Variants in IMPACT observed in about 807,000 individuals in gnomAD.
IMPACT encodes impact RWD domain protein.
In IMPACT, 35 loss-of-function variants were observed where a neutral mutation model predicts 47.5. The observed-to-expected ratio is 0.74, with a 90% confidence interval of 0.56 to 0.98. The LOEUF is 0.98. Among genes scored for constraint, IMPACT ranks in the 50% least tolerant of loss-of-function variants. The pLI is 0.00. For missense variants in IMPACT, 373 were observed against 394.8 expected (o/e 0.94, Z 0.47); for synonymous variants, 118 against 125.6 (o/e 0.94, Z 0.40).
chr18:24,439,888 C>G (rs532265125), intron 5 of IMPACT, among the ~76,000 whole-genome samples: 1 of 152,230 alleles, frequency 6.6e-6, no homozygotes, highest in South Asian at 2.1e-4. Context: ...CAGTCACTGT[C>G]TTTCTCTTTG....
At position 24,437,939 on chromosome 18, in the gene IMPACT, C is replaced by G. The variant is rs377063811; in HGVS notation, c.282-16C>G. On this transcript the variant is annotated splice_polypyrimidine_tract_variant and intron_variant, in intron 4 of 10. Transcript: ENST00000284202. ...TTTGAAATAACAATTTTTTTTTTCC[C>G]CTGAATTTTGTTTAGTCAGAATATC... 1 of 1,331,600 alleles carries G rather than the reference C, an allele frequency of 7.5e-7. No homozygotes were observed. Among genetic ancestry groups the G allele is most frequent in the Non-Finnish European group, 1.1e-6 (1 of 946,964 alleles). The allele number at this position is 1,331,600 out of a possible 1,614,324, so 82.5% of individuals were successfully genotyped here.
At chr18:24,438,175 C>G in intron 5 of IMPACT, 135 bp downstream of exon 5, 1 of 523,656 alleles carries the variant, frequency 1.9e-6, no homozygotes, top group Non-Finnish European at 3.4e-6. Context: ...ACAAGTTTCT[C>G]TGAAAAGTTT....
intron 3 of IMPACT, 78 bp from the exon 4 acceptor site, chr18:24,430,244 T>G: frequency 9.9e-7 from 1 of 1,005,632 alleles, no homozygotes; most frequent in Non-Finnish European, 1.5e-6. Context: ...CAAAAAAATT[T>G]ATTTGTGATG....
chr18:24,450,246 A>G (rs1453985251), intron 10 of IMPACT, among the ~76,000 whole-genome samples: 1 of 152,130 alleles, frequency 6.6e-6, no homozygotes, highest in Non-Finnish European at 1.5e-5. Context: ...TTTAAGACCA[A>G]CTAGGTTCCA....
intron 5 of IMPACT, among the ~76,000 whole-genome samples, chr18:24,439,933 A>T (rs1028532166): frequency 6.6e-6 from 1 of 152,184 alleles, no homozygotes; most frequent in African/African-American, 2.4e-5. Context: ...CTATGCTAAT[A>T]TCCTGTTTCT....
chr18:24,436,392 C>T (rs1908942630), intron 4 of IMPACT, among the ~76,000 whole-genome samples: 1 of 151,938 alleles, frequency 6.6e-6, no homozygotes, highest in Non-Finnish European at 1.5e-5. Context: ...ATTACAGGCA[C>T]ACACCACTGT....
chr18:24,444,716 C>T (rs374071571), intron 7 of IMPACT, among the ~76,000 whole-genome samples: 10 of 152,190 alleles, frequency 6.6e-5, no homozygotes, highest in African/African-American at 2.4e-4. Context: ...TACAGAATAC[C>T]TAGTTAAATT....
rs767964809 is a variant in IMPACT, at chr18:24,449,898, A to G, written c.839A>G (p.His280Arg). 3.1e-6 allele frequency: 5 copies of G among 1,613,968 alleles called. No homozygotes were observed. Among genetic ancestry groups the G allele is most frequent in the Non-Finnish European group, 3.4e-6 (4 of 1,179,868 alleles). The part of the protein sequence containing the change: ...GILLGPDRFK[H>R]INNCARNILV... ...CTGCTAGGACCAGATCGCTTTAAAC[A>G]TATCAACAACTGTGCCAGAAACATA... Residue 280 changes from histidine to arginine, a missense_variant, in exon 10 of 11, where the codon CAT becomes CGT. Physicochemically the swap from His to Arg is conservative, Grantham distance 29. Transcript: ENST00000284202.
chr18:24,436,191 A>G (rs1908935176), intron 4 of IMPACT, among the ~76,000 whole-genome samples: 1 of 152,008 alleles, frequency 6.6e-6, no homozygotes, highest in African/African-American at 2.4e-5. Flanking sequence ...TAAAAAGGGG[A>G]TAATATTGTA....
Position 24,445,446 on chromosome 18 carries a change from C to T in IMPACT, c.648C>T (p.Thr216=). 1 of 1,604,618 alleles carries T rather than the reference C, an allele frequency of 6.2e-7. No individual in the cohort carries two copies. The highest frequency in any genetic ancestry group is 8.5e-7 in the Non-Finnish European group (1 of 1,175,122). The change falls in exon 8 of 11, where the codon ACC becomes ACT. Residue 216 remains threonine, a synonymous_variant. Transcript: ENST00000284202. The stretch of plus-strand genomic sequence containing the variant: ...AGAATAAGAAAATAGCTAGTGCCAC[C>T]CACAACATCTATGCCTACAGGTGAG... ...LYENKKIASA[T]HNIYAYRIYC... is the part of the protein sequence containing the mutation.
intron 9 of IMPACT, 145 bp from the exon 10 acceptor site, chr18:24,449,674 C>T (rs1909329241): frequency 1.6e-6 from 1 of 639,506 alleles, no homozygotes; most frequent in Non-Finnish European, 2.7e-6. Flanking sequence ...CACTCAGTGC[C>T]TACTCACTCA....
chr18:24,433,451 G>A (rs1282222337), intron 4 of IMPACT, among the ~76,000 whole-genome samples: 2 of 148,402 alleles, frequency 1.3e-5, no homozygotes, highest in East Asian at 2.0e-4. Context: ...CACCCGCCTC[G>A]GCCTCCCAAA....
In IMPACT at chr18:24,428,097, A is replaced by G. The variant is rs751413080; in HGVS notation, c.165+50A>G. On this transcript the variant is annotated intron_variant, in intron 2 of 10. Coordinates refer to ENST00000284202, the MANE Select transcript of IMPACT (RefSeq NM_018439.4). ...CCATCTTTCAGTTACAGTATGAACT[A>G]TATTGTTGACTTCTGTATTCTAATG... 3.4e-6 allele frequency: 5 copies of G among 1,480,938 alleles called. No homozygotes were observed. The Admixed American group carries it at 9.9e-5, about 29-fold the overall frequency. The allele number at this position is 1,480,938 out of a possible 1,614,324, so 91.7% of individuals were successfully genotyped here. A position where few individuals can be genotyped will look rare whatever the true frequency, so the allele number is the denominator to read the frequency against.
chr18:24,437,861 A>G (rs1384593187), intron 4 of IMPACT, 94 bp from the exon 5 acceptor site: 8 of 681,558 alleles, frequency 1.2e-5, no homozygotes, highest in Admixed American at 3.0e-5. Flanking sequence ...TAGATTGTTT[A>G]TAATGTCTTG....
At chr18:24,437,868 C>G in intron 4 of IMPACT, 87 bp from the exon 5 acceptor site, 1 of 708,728 alleles carries the variant, frequency 1.4e-6, no homozygotes, top group Non-Finnish European at 2.5e-6. Flanking sequence ...TTTATAATGT[C>G]TTGGATTGCA....
Position 24,448,199 on chromosome 18 carries a change from A to T in IMPACT, c.759+16A>T, listed in dbSNP as rs530658971. ...TCTCATGGAGGTAGGTGTAAGTTAA[A>T]CTATCAATCCTGTTCTGTACAAGCC... On this transcript the variant is annotated intron_variant, in intron 9 of 10. Transcript: ENST00000284202. 18 of 1,563,430 alleles carry T rather than the reference A, an allele frequency of 1.2e-5. No homozygotes were observed. The South Asian group carries it at 1.9e-4, about 16-fold the overall frequency.
At chr18:24,426,961 C>T (rs1486975696) in intron 1 of IMPACT, 169 bp downstream of exon 1, 3 of 466,144 alleles carry the variant, frequency 6.4e-6, no homozygotes, top group Non-Finnish European at 1.0e-5. Flanking sequence ...TCCCGTCGGC[C>T]GAGCGCTCTT....
intron 7 of IMPACT, among the ~76,000 whole-genome samples, chr18:24,445,176 C>T (rs1010473110): frequency 6.6e-5 from 10 of 152,200 alleles, no homozygotes; most frequent in African/African-American, 2.4e-4. Flanking sequence ...ATAATTAGTG[C>T]TCAAAAATAC....
intron 8 of IMPACT, among the ~76,000 whole-genome samples, chr18:24,447,387 ATTTT>A (rs571145746): frequency 1.3e-5 from 2 of 149,298 alleles, no homozygotes; most frequent in African/African-American, 4.9e-5. Context: ...AACTGACACT[ATTTT>A]TTTTTTCTCT....
Sources: gnomAD v4.1 joint callset for allele counts (sites outside exome capture counted in the v4.1 genomes callset) on GRCh38, gnomAD v4.1.1 for gene constraint, MANE v1.5 for transcripts, NCBI Gene and HGNC (gene_info 2026-07-23, HGNC 2026-07-21) for gene names.